ABCB5: variants seen among roughly 807,000 people sequenced by gnomAD.
ABCB5 encodes ATP-binding cassette sub-family B member 5.
Under a neutral mutation model 144.2 loss-of-function variants are expected in ABCB5, and 155 were observed. The ratio of observed to expected loss-of-function variants is 1.08; its 90% CI spans 0.94 to 1.23. The LOEUF (loss-of-function observed/expected upper bound fraction) is 1.23. ABCB5 is among the 50% of genes most tolerant of loss of function. The pLI is 0.00. For missense variants in ABCB5, 1,830 were observed against 1,520.8 expected (o/e 1.20, Z -3.38); for synonymous variants, 610 against 528.6 (o/e 1.15, Z -2.11).
In ABCB5 at chr7:20,645,752, A is replaced by G; in HGVS notation, c.679-4A>G. ...TTTTTAACTGTGGTTGTGGTTTATT[A>G]CAGATGGTCATCTCATTGACCAGTA... is the stretch of plus-strand genomic sequence containing the variant. On this transcript the variant is annotated splice_region_variant and splice_polypyrimidine_tract_variant and intron_variant, in intron 7 of 27. Transcript: ENST00000404938. 1 of 1,613,658 alleles carries G rather than the reference A, an allele frequency of 6.2e-7. No individual in the cohort carries two copies. The highest frequency in any genetic ancestry group is 1.1e-5 in the South Asian group (1 of 91,024).
intron 4 of ABCB5, among the ~76,000 whole-genome samples, 188 bp from the exon 5 acceptor site, chr7:20,631,860 ATGAGTACTTCT>A (rs1371436030): frequency 6.6e-6 from 1 of 152,166 alleles, no homozygotes; most frequent in Non-Finnish European, 1.5e-5. Flanking sequence ...TCCAAGCCGC[ATGAGTACTTCT>A]TGAGAGCAGA....
Position 20,753,465 on chromosome 7 carries a change from T to A in ABCB5, c.3535T>A (p.Leu1179Met), listed in dbSNP as rs748595960. The A allele has an allele frequency of 6.2e-7, 1 of 1,614,046 alleles. No individual in the cohort carries two copies. Among genetic ancestry groups the A allele is most frequent in the Non-Finnish European group, 8.5e-7 (1 of 1,179,944 alleles). ...TCTCCAAAAACCCAAAATTTTATTG[T>A]TGGATGAGGCCACTTCAGCCCTCGA... is the stretch of plus-strand genomic sequence containing the variant. ...ALLQKPKILL[L>M]DEATSALDND... Residue 1179 changes from leucine (L) to methionine (M), a missense_variant, in exon 27 of 28, where the codon TTG (leucine) becomes ATG (methionine). Transcript: ENST00000404938.
intron 3 of ABCB5, among the ~76,000 whole-genome samples, chr7:20,626,854 G>GGGGTGTGT (rs1554278226): frequency 1.4e-5 from 2 of 143,758 alleles, no homozygotes; most frequent in African/African-American, 5.1e-5. Context: ...GTGTTTTTGG[G>GGGGTGTGT]GTGTGTGTGT....
chr7:20,753,894 C>G (rs1053162735), intron 27 of ABCB5, among the ~76,000 whole-genome samples: 3 of 152,212 alleles, frequency 2.0e-5, no homozygotes, highest in African/African-American at 7.2e-5. Flanking sequence ...ATCTACACTG[C>G]AGGGTCAGAG....
intron 14 of ABCB5, among the ~76,000 whole-genome samples, chr7:20,680,345 T>A (rs1385769483): frequency 6.6e-6 from 1 of 152,028 alleles, no homozygotes; most frequent in Admixed American, 6.6e-5. Flanking sequence ...CATCACAAGG[T>A]CAGGAGATCG....
chr7:20,696,660 CTTT>C (rs1189106565), intron 16 of ABCB5, among the ~76,000 whole-genome samples: 2 of 151,978 alleles, frequency 1.3e-5, no homozygotes, highest in Non-Finnish European at 2.9e-5. Context: ...CACTTTTTAA[CTTT>C]TTAATACTCG....
rs1416346779 is a variant in ABCB5 at position 20,739,012 on chromosome 7, T to C, written c.2897T>C (p.Met966Thr). ...IVFTAIAYGA[M>T]AIGETLVLAP... is the part of the protein sequence containing the mutation. ...TTTACTGCAATTGCATATGGAGCTATGGCCATCGGAGAAACGCTCGTTTTG... is the reference window on the plus strand; with the variant it reads ...TTTACTGCAATTGCATATGGAGCTACGGCCATCGGAGAAACGCTCGTTTTG... Residue 966 changes from methionine (M) to threonine (T), a missense_variant, in exon 24 of 28, where the codon ATG becomes ACG. By Grantham distance (81) the Met-to-Thr change is moderately conservative (BLOSUM62 -1). Coordinates refer to ENST00000404938, the MANE Select transcript of ABCB5 (RefSeq NM_001163941.2). The C allele has an allele frequency of 4.3e-6, 7 of 1,612,386 alleles. No homozygotes were observed. The highest frequency in any genetic ancestry group is 5.9e-6 in the Non-Finnish European group (7 of 1,179,302).
chr7:20,689,204 G>A (rs2190411), intron 16 of ABCB5, among the ~76,000 whole-genome samples: 2 of 152,008 alleles, frequency 1.3e-5, no homozygotes, highest in African/African-American at 4.8e-5. Context: ...CCCCACTACC[G>A]CTGGAGTGAA....
chr7:20,633,225 T>C (rs1473479790), intron 5 of ABCB5, among the ~76,000 whole-genome samples: 2 of 152,086 alleles, frequency 1.3e-5, no homozygotes, highest in African/African-American at 4.8e-5. Flanking sequence ...ATAAGGATGT[T>C]CTGTTTTGTA....
At chr7:20,723,472 C>A (rs746474311) in intron 21 of ABCB5, among the ~76,000 whole-genome samples, 3 of 152,232 alleles carry the variant, frequency 2.0e-5, no homozygotes, top group Non-Finnish European at 4.4e-5. Flanking sequence ...GAGTTAGAAT[C>A]CAGATTCTAT....
intron 16 of ABCB5, among the ~76,000 whole-genome samples, chr7:20,693,360 T>C (rs1462041701): frequency 6.6e-6 from 1 of 151,976 alleles, no homozygotes; most frequent in African/African-American, 2.4e-5. Flanking sequence ...AACAAGACCC[T>C]GTCTCAAAAA....
intron 20 of ABCB5, among the ~76,000 whole-genome samples, chr7:20,714,035 C>G (rs539156174): frequency 2.6e-5 from 4 of 152,302 alleles, no homozygotes; most frequent in African/African-American, 9.6e-5. Flanking sequence ...CCACAGGGGT[C>G]ACCTTGTTTG....
chr7:20,722,940 G>C, intron 20 of ABCB5, 76 bp from the exon 21 acceptor site: 1 of 1,302,008 alleles, frequency 7.7e-7, no homozygotes. Context: ...ACCTTGTTTT[G>C]CAAGGAACTA....
intron 14 of ABCB5, chr7:20,660,310 G>T (rs573055064): frequency 5.3e-5 from 52 of 984,728 alleles, no homozygotes; most frequent in Non-Finnish European, 6.1e-5. Context: ...AATTATGGGG[G>T]AATTTAACTT....
chr7:20,659,215 G>A, intron 14 of ABCB5: 2 of 1,593,292 alleles, frequency 1.3e-6, no homozygotes, highest in Non-Finnish European at 1.7e-6. Flanking sequence ...AAGGCCATAT[G>A]CAGTTGTGGC....
chr7:20,726,659 G>A (rs1222693996), intron 21 of ABCB5, among the ~76,000 whole-genome samples: 3 of 152,218 alleles, frequency 2.0e-5, no homozygotes, highest in African/African-American at 7.2e-5. Flanking sequence ...AAGCCATTGT[G>A]CCTAGCATCT....
At chr7:20,684,335 C>A (rs916153957) in intron 15 of ABCB5, among the ~76,000 whole-genome samples, 1 of 152,124 alleles carries the variant, frequency 6.6e-6, no homozygotes, top group Non-Finnish European at 1.5e-5. Flanking sequence ...GTCCAGCGAC[C>A]TTCTCAAGAA....
At chr7:20,703,895 C>A (rs893356644) in intron 19 of ABCB5, among the ~76,000 whole-genome samples, 3 of 152,036 alleles carry the variant, frequency 2.0e-5, no homozygotes, top group Non-Finnish European at 2.9e-5. Flanking sequence ...AGTTTCACAG[C>A]CTTCTGCCCT....
chr7:20,656,601 T>G (rs549130559), intron 13 of ABCB5, among the ~76,000 whole-genome samples: 4 of 152,296 alleles, frequency 2.6e-5, no homozygotes, highest in Non-Finnish European at 4.4e-5. Flanking sequence ...TTAAAAAGAC[T>G]AACAAATGTA....
Sources: allele counts gnomAD v4.1 joint callset (sites outside exome capture counted in the v4.1 genomes callset), GRCh38; gene constraint gnomAD v4.1.1; transcripts MANE v1.5; gene names NCBI Gene and HGNC (gene_info 2026-07-23, HGNC 2026-07-21).